The following NREP variants were observed in gnomAD, a reference collection of about 807,000 sequenced individuals.
NREP encodes the protein neuronal regeneration-related protein.
Under a neutral mutation model 8.6 loss-of-function variants are expected in NREP, and 5 were observed. The ratio of observed to expected loss-of-function variants is 0.58; its 90% CI spans 0.30 to 1.22. The LOEUF (loss-of-function observed/expected upper bound fraction) is 1.22, where lower values mean the gene tolerates loss of function less well. Ranked by LOEUF, NREP falls within the 50% of genes most tolerant of loss-of-function variation. The pLI, the probability that NREP is intolerant of heterozygous loss-of-function variation, is 0.07. For missense variants in NREP, 86 were observed against 82.5 expected (o/e 1.04, Z -0.17); for synonymous variants, 27 against 28.0 (o/e 0.96, Z 0.11).
At chr5:111,801,490 G>C (rs149178415) in intron 2 of NREP, among the ~76,000 whole-genome samples, 5 of 152,266 alleles carry the variant, frequency 3.3e-5, no homozygotes, top group Non-Finnish European at 7.4e-5. Context: ...AGAAAAAAGA[G>C]GCCTTTCATA....
intron 2 of NREP, among the ~76,000 whole-genome samples, chr5:111,817,905 T>C (rs562436731): frequency 1.1e-4 from 16 of 151,734 alleles, no homozygotes; most frequent in African/African-American, 3.9e-4. Context: ...TGTGTAAGAA[T>C]TGACCCTGAG....
At chr5:111,841,120 G>A (rs1355739207) in intron 2 of NREP, among the ~76,000 whole-genome samples, 1 of 152,118 alleles carries the variant, frequency 6.6e-6, no homozygotes, top group Non-Finnish European at 1.5e-5. Flanking sequence ...CAAGGATAGG[G>A]AAGAACCAAT....
chr5:111,813,178 T>A (rs1289651915), intron 2 of NREP, among the ~76,000 whole-genome samples: 2 of 152,142 alleles, frequency 1.3e-5, no homozygotes, highest in Non-Finnish European at 2.9e-5. Context: ...TTAAGTGACT[T>A]CCCCAAAGTT....
intron 2 of NREP, among the ~76,000 whole-genome samples, chr5:111,919,678 C>T (rs949712447): frequency 8.5e-5 from 13 of 152,052 alleles, no homozygotes; most frequent in African/African-American, 2.9e-4. Context: ...ACAATGAGAA[C>T]ACATGGACAC....
intron 2 of NREP, among the ~76,000 whole-genome samples, chr5:111,868,306 A>C (rs538761737): frequency 3.9e-5 from 6 of 152,270 alleles, no homozygotes; most frequent in African/African-American, 1.2e-4. Context: ...AACAAATTTA[A>C]TGTTGAAATA....
At chr5:111,898,619 G>A (rs1214873649) in intron 2 of NREP, among the ~76,000 whole-genome samples, 2 of 152,154 alleles carry the variant, frequency 1.3e-5, no homozygotes, top group Non-Finnish European at 2.9e-5. Context: ...AGTGGAACAT[G>A]ATGGCAGAGT....
intron 2 of NREP, among the ~76,000 whole-genome samples, chr5:111,831,558 A>G (rs1225516574): frequency 6.6e-6 from 1 of 152,146 alleles, no homozygotes; most frequent in African/African-American, 2.4e-5. Flanking sequence ...TCAAAAAACA[A>G]TGCCAAAGGA....
intron 2 of NREP, among the ~76,000 whole-genome samples, chr5:111,782,025 G>GA (rs1254650612): frequency 1.3e-5 from 2 of 152,138 alleles, no homozygotes; most frequent in Non-Finnish European, 2.9e-5. Context: ...GATTTACAGA[G>GA]AAAATGTATG....
chr5:111,778,528 G>T (rs1751415748), intron 2 of NREP, among the ~76,000 whole-genome samples: 1 of 152,082 alleles, frequency 6.6e-6, no homozygotes, highest in Admixed American at 6.6e-5. Flanking sequence ...TATATAAAGA[G>T]TTATACATGA....
At chr5:111,905,708 A>C (rs915143507) in intron 2 of NREP, among the ~76,000 whole-genome samples, 39 of 152,156 alleles carry the variant, frequency 2.6e-4, no homozygotes, top group African/African-American at 9.2e-4. Flanking sequence ...ACAAAACACC[A>C]AAGCTAAGAG....
At chr5:111,739,674 A>T (rs1342436984) in intron 2 of NREP, 1 of 151,842 alleles carries the variant, frequency 6.6e-6, no homozygotes, top group East Asian at 1.9e-4. Flanking sequence ...TCTGAATTCA[A>T]GTTTGTGTTT....
At chr5:111,919,975 C>T (rs372665124) in intron 2 of NREP, among the ~76,000 whole-genome samples, 1 of 11,804 alleles carries the variant, frequency 8.5e-5, no homozygotes, top group Admixed American at 6.6e-4. Flanking sequence ...AAAAGAATAC[C>T]CCCCCCCCCC....
At position 111,835,437 on chromosome 5, in the gene NREP, C is replaced by T. The variant is rs1752870176; in HGVS notation, c.136-99930G>A. ...TATCTACCAACAGATAATTATTATA[C>T]AGCCAGATACAGGCTAAAATTATAA... On this transcript the variant is annotated intron_variant, in intron 2 of 3. Transcript: ENST00000395634. 2.6e-5 allele frequency among the ~76,000 whole-genome samples: 4 copies of T among 152,170 alleles called. No individual in the cohort carries two copies. The South Asian group carries it at 8.3e-4, about 32-fold the overall frequency.
At chr5:111,968,748 G>A (rs779033878) in intron 2 of NREP, among the ~76,000 whole-genome samples, 1 of 152,162 alleles carries the variant, frequency 6.6e-6, no homozygotes, top group Non-Finnish European at 1.5e-5. Context: ...CAGAACGTCT[G>A]GATCCCAGCT....
chr5:111,909,050 T>G (rs751800439), intron 2 of NREP, among the ~76,000 whole-genome samples: 3 of 151,998 alleles, frequency 2.0e-5, no homozygotes, highest in Non-Finnish European at 4.4e-5. Context: ...TGTACATGTC[T>G]TTTGGCCACT....
At chr5:111,760,782 A>G (rs572328226), upstream of NREP, among the ~76,000 whole-genome samples, 11 of 152,296 alleles carry the variant, frequency 7.2e-5, no homozygotes, top group South Asian at 2.3e-3. Flanking sequence ...CTGGGTCAGA[A>G]CCTGATTCTT....
intron 2 of NREP, among the ~76,000 whole-genome samples, chr5:111,956,047 TC>T (rs1423750708): frequency 2.6e-5 from 4 of 152,072 alleles, no homozygotes; most frequent in East Asian, 3.9e-4. Flanking sequence ...TGTTACCCTC[TC>T]TAAATCCAAA....
At chr5:111,847,256 T>C (rs1753199579) in intron 2 of NREP, among the ~76,000 whole-genome samples, 1 of 152,164 alleles carries the variant, frequency 6.6e-6, no homozygotes, top group Non-Finnish European at 1.5e-5. Context: ...TTGGGTTCTA[T>C]GTGAGGGTCC....
chr5:111,839,895 A>G (rs967261713), intron 2 of NREP, among the ~76,000 whole-genome samples: 8 of 152,180 alleles, frequency 5.3e-5, no homozygotes, highest in African/African-American at 1.9e-4. Flanking sequence ...GTTAGTTACT[A>G]TTAACTCCAT....
Sources: gnomAD v4.1 joint callset for allele counts (sites outside exome capture counted in the v4.1 genomes callset) on GRCh38, gnomAD v4.1.1 for gene constraint, MANE v1.5 for transcripts, NCBI Gene and HGNC (gene_info 2026-07-23, HGNC 2026-07-21) for gene names.